FBLN1: variants seen among roughly 807,000 people sequenced by gnomAD.
The protein encoded by FBLN1 is fibulin 1, also known as fibulin-1.
Under a neutral mutation model 89.7 loss-of-function variants are expected in FBLN1, and 34 were observed. That is an observed-to-expected ratio of 0.38 (90% CI 0.29 to 0.50). The LOEUF (loss-of-function observed/expected upper bound fraction) is 0.50. FBLN1 is among the 20% of genes least tolerant of loss of function. The pLI is 0.92. For synonymous variants in FBLN1, 393 were observed against 391.3 expected, an observed-to-expected ratio of 1.00 and a Z score of -0.05; for missense variants, 777 against 988.1, an observed-to-expected ratio of 0.79 and a Z score of 2.86.
At position 45,503,051 on chromosome 22, in the gene FBLN1, G is replaced by A. The variant is rs1407197606; in HGVS notation, c.66G>A (p.Leu22=). The change falls in exon 1 of 17, where the codon CTG becomes CTA. Residue 22 remains leucine (L), a synonymous_variant. Transcript: ENST00000327858. ...LPLLLLGGLA[L]LAAGVDADVL... Reference sequence around the variant, plus strand: ...TGCTGCTGCTCGGCGGCCTTGCGCTGCTGGCGGCCGGAGGTAGGGGCGTCC... The same window carrying A: ...TGCTGCTGCTCGGCGGCCTTGCGCTACTGGCGGCCGGAGGTAGGGGCGTCC... The A allele has an allele frequency of 1.6e-6, 2 of 1,248,238 alleles. No homozygotes were observed. The highest frequency in any genetic ancestry group is 2.0e-6 in the Non-Finnish European group (2 of 996,572). 77.3% of individuals were successfully genotyped at this position (1,248,238 alleles called of 1,614,324 possible). A position where few individuals can be genotyped will look rare whatever the true frequency, so the allele number is the denominator to read the frequency against.
intron 14 of FBLN1, among the ~76,000 whole-genome samples, chr22:45,570,958 C>G (rs12165919): frequency 3.3e-5 from 5 of 151,798 alleles, no homozygotes; most frequent in African/African-American, 1.2e-4. Flanking sequence ...AACCCCGTAT[C>G]TACTAAAAAT....
intron 14 of FBLN1, among the ~76,000 whole-genome samples, chr22:45,570,008 A>G (rs554029873): frequency 6.6e-6 from 1 of 152,296 alleles, no homozygotes; most frequent in Admixed American, 6.5e-5. Flanking sequence ...GAAAGAAACC[A>G]AAAGTGTTAA....
At chr22:45,524,234 C>T (rs964623698) in intron 2 of FBLN1, among the ~76,000 whole-genome samples, 1 of 152,170 alleles carries the variant, frequency 6.6e-6, no homozygotes. Flanking sequence ...CTGGGGAGGC[C>T]CCCACCCTCT....
chr22:45,582,952 A>G (rs1379434563), intron 16 of FBLN1, among the ~76,000 whole-genome samples: 1 of 152,172 alleles, frequency 6.6e-6, no homozygotes, highest in Non-Finnish European at 1.5e-5. Flanking sequence ...CCCTGGGCCT[A>G]GGGACAGTAT....
chr22:45,507,085 C>T (rs187361814), intron 1 of FBLN1, among the ~76,000 whole-genome samples: 25 of 152,238 alleles, frequency 1.6e-4, no homozygotes, highest in African/African-American at 5.3e-4. Context: ...GGATAGGAGA[C>T]CCCCTCAGGC....
intron 14 of FBLN1, among the ~76,000 whole-genome samples, chr22:45,553,336 G>A (rs1052221819): frequency 4.6e-5 from 7 of 152,212 alleles, no homozygotes; most frequent in African/African-American, 1.7e-4. Context: ...CATGGCCCAG[G>A]ATGGGTGGCC....
At position 45,578,636 on chromosome 22, in the gene FBLN1, T is replaced by C. The variant is rs1247875926; in HGVS notation, c.1972+1528T>C. ...GGGAGGGGGTTGGGTCAGGGCTTTG[T>C]CCTGTCCCACTGGGTGGGTGGGGTA... On this transcript the variant is annotated intron_variant, in intron 16 of 16. Coordinates refer to ENST00000327858, the MANE Select transcript of FBLN1 (RefSeq NM_006486.3). The surrounding 1 kb of genome is among the most constrained non-coding windows in gnomAD (Gnocchi z 4.6). Among the ~76,000 whole-genome samples, 1 of 132,430 alleles carries C rather than the reference T, an allele frequency of 7.6e-6. No individual in the cohort carries two copies. The highest frequency in any genetic ancestry group is 1.5e-5 in the Non-Finnish European group (1 of 65,548). 86.9% of individuals were successfully genotyped at this position (132,430 alleles called of 152,430 possible). A position where few individuals can be genotyped will look rare whatever the true frequency, so the allele number is the denominator to read the frequency against.
chr22:45,517,000 G>A (rs766453895), intron 1 of FBLN1, among the ~76,000 whole-genome samples: 14 of 152,242 alleles, frequency 9.2e-5, no homozygotes, highest in Non-Finnish European at 1.9e-4. Flanking sequence ...TGCTGAGAAC[G>A]GGATGGAGCA....
At position 45,588,287 on chromosome 22, in the gene FBLN1, C is replaced by T. The variant is rs78566799; in HGVS notation, c.1972+11179C>T. Among the ~76,000 whole-genome samples, 6,813 of 152,202 alleles carry T rather than the reference C, an allele frequency of 0.045. 500 individuals carry two copies. The highest frequency in any genetic ancestry group is 0.15 in the African/African-American group (6,417 of 41,482). On this transcript the variant is annotated intron_variant, in intron 16 of 16. Coordinates refer to ENST00000327858, the MANE Select transcript of FBLN1 (RefSeq NM_006486.3). The surrounding 1 kb of genome is among the most constrained non-coding windows in gnomAD (Gnocchi z 5.1). ...GGGAATGGCAGAGTGCTGGAGTGGC[C>T]ATGCCTGGGGAACTCCTTCTGGAAA...
chr22:45,594,552 G>A (rs2089166807), intron 16 of FBLN1, among the ~76,000 whole-genome samples: 1 of 151,952 alleles, frequency 6.6e-6, no homozygotes, highest in South Asian at 2.1e-4. Flanking sequence ...GGATGGGTGG[G>A]TGGATTCATG....
chr22:45,529,405 G>A (rs1307118346), intron 4 of FBLN1, among the ~76,000 whole-genome samples: 1 of 152,232 alleles, frequency 6.6e-6, no homozygotes, highest in Non-Finnish European at 1.5e-5. Context: ...CAGGGTTCAG[G>A]AGACTTTGTG....
chr22:45,600,805 G>T lies in FBLN1; in HGVS notation c.*359G>T. The stretch of plus-strand genomic sequence containing the variant: ...CCAAAAGAAGACCAGTTCTTGCCCT[G>T]ATTGTATGAAATTTGACATTTTGGC... On this transcript the variant is annotated 3_prime_UTR_variant, in exon 17 of 17. Coordinates refer to ENST00000327858, the MANE Select transcript of FBLN1 (RefSeq NM_006486.3). The T allele has an allele frequency of 9.6e-6, 3 of 313,628 alleles. No individual in the cohort carries two copies. Among genetic ancestry groups the T allele is most frequent in the African/African-American group, 2.2e-5 (1 of 45,422 alleles). The allele number at this position is 313,628 out of a possible 1,614,324, so 19.4% of individuals were successfully genotyped here. A position where few individuals can be genotyped will look rare whatever the true frequency, so the allele number is the denominator to read the frequency against.
chr22:45,555,008 TA>T (rs1271971394), intron 14 of FBLN1, among the ~76,000 whole-genome samples: 3 of 151,402 alleles, frequency 2.0e-5, no homozygotes, highest in African/African-American at 7.4e-5. Context: ...CACAGGAAGT[TA>T]GGACCCGTCC....
At chr22:45,546,642 T>G (rs1032481221) in intron 11 of FBLN1, among the ~76,000 whole-genome samples, 2 of 152,250 alleles carry the variant, frequency 1.3e-5, no homozygotes, top group Admixed American at 6.5e-5. Context: ...AGTTGCTGAG[T>G]GGCCCAGTGA....
rs1569265530 is a variant in FBLN1, at chr22:45,583,080, C to T, written c.1972+5972C>T. On this transcript the variant is annotated intron_variant, in intron 16 of 16. Coordinates refer to ENST00000327858, the MANE Select transcript of FBLN1 (RefSeq NM_006486.3). The surrounding 1 kb of genome is among the most constrained non-coding windows in gnomAD (Gnocchi z 4.5). Reference sequence around the variant, plus strand: ...ATATGCTGTTAGATCCTCGAGCAGCCTTGTGGGACAGCCACCCTGGGGCTG... The same window carrying T: ...ATATGCTGTTAGATCCTCGAGCAGCTTTGTGGGACAGCCACCCTGGGGCTG... Among the ~76,000 whole-genome samples, 1 of 152,148 alleles carries T rather than the reference C, an allele frequency of 6.6e-6. No individual in the cohort carries two copies. The highest frequency in any genetic ancestry group is 2.4e-5 in the African/African-American group (1 of 41,434).
At chr22:45,516,531 C>T (rs575075436) in intron 1 of FBLN1, among the ~76,000 whole-genome samples, 7 of 152,346 alleles carry the variant, frequency 4.6e-5, no homozygotes, top group Non-Finnish European at 2.9e-5. Flanking sequence ...ACACGGTTGT[C>T]ACTCCTGATG....
rs1055701312 is a variant in FBLN1 at position 45,596,897 on chromosome 22, T to G, written c.1973-3410T>G. 3.4e-5 allele frequency among the ~76,000 whole-genome samples: 5 copies of G among 148,504 alleles called. No individual in the cohort carries two copies. The Admixed American group carries it at 3.4e-4, about 10-fold the overall frequency. On this transcript the variant is annotated intron_variant, in intron 16 of 16. Transcript: ENST00000327858. Reference sequence around the variant, plus strand: ...TATTTAAAATACAGTTATATAAATTTGACATACTTTATAACATATATTTTT... The same window carrying G: ...TATTTAAAATACAGTTATATAAATTGGACATACTTTATAACATATATTTTT...
chr22:45,567,880 T>C (rs1469744163), intron 14 of FBLN1, among the ~76,000 whole-genome samples: 4 of 152,032 alleles, frequency 2.6e-5, no homozygotes, highest in Non-Finnish European at 5.9e-5. Flanking sequence ...CTAGGTGCTT[T>C]GGGGGAACAG....
At position 45,550,672 on chromosome 22, in the gene FBLN1, C is replaced by T; in HGVS notation, c.1697+57C>T. The T allele has an allele frequency of 6.2e-7, 1 of 1,613,290 alleles. No individual in the cohort carries two copies. Among genetic ancestry groups the T allele is most frequent in the South Asian group, 1.1e-5 (1 of 90,974 alleles). Reference sequence around the variant, plus strand: ...GTCTGTGTTGGCCTTCCTGGTGACCCAGTTCCCGGGTGGGTGGGTTATCAG... The same window carrying T: ...GTCTGTGTTGGCCTTCCTGGTGACCTAGTTCCCGGGTGGGTGGGTTATCAG... On this transcript the variant is annotated intron_variant, in intron 14 of 16. Transcript: ENST00000327858. The surrounding 1 kb of genome is among the most constrained non-coding windows in gnomAD (Gnocchi z 8.4).
Sources: allele counts gnomAD v4.1 joint callset (sites outside exome capture counted in the v4.1 genomes callset), GRCh38; gene constraint gnomAD v4.1.1; non-coding constraint Gnocchi (gnomAD v3.1); transcripts MANE v1.5; gene names NCBI Gene and HGNC (gene_info 2026-07-23, HGNC 2026-07-21).